The following CREB5 variants were observed in gnomAD, a reference collection of about 807,000 sequenced individuals.
The protein encoded by CREB5 is cAMP responsive element binding protein 5.
Under a neutral mutation model 57.1 loss-of-function variants are expected in CREB5, and 19 were observed. The observed-to-expected ratio is 0.33, with a 90% CI of 0.23 to 0.49. The LOEUF (loss-of-function observed/expected upper bound fraction) is 0.49, where lower values mean the gene tolerates loss of function less well. Ranked by LOEUF, CREB5 falls within the 20% of genes least tolerant of loss-of-function variation. The probability of loss-of-function intolerance (pLI) is 0.99; values close to 1 mark genes in which losing one functional copy is unlikely to be tolerated. For missense variants in CREB5, 579 were observed against 671.6 expected (o/e 0.86, Z 1.52); for synonymous variants, 238 against 238.3 (o/e 1.00, Z 0.01).
chr7:28,718,944 G>A, intron 6 of CREB5, 65 bp downstream of exon 6: 1 of 1,605,660 alleles, frequency 6.2e-7, no homozygotes, highest in Non-Finnish European at 8.5e-7. Flanking sequence ...CTCTTGAAAG[G>A]GCAAAGGAAA....
rs13231234 is a variant in CREB5 at position 28,560,951 on chromosome 7, C to T, written c.292-9414C>T. On this transcript the variant is annotated intron_variant, in intron 4 of 10. Transcript: ENST00000357727. ...GTGCGTGTGTGCGTGCGTGTGTGTG[C>T]GTGTGTGTGCGTGTGTGTGTGCGTG... is the stretch of plus-strand genomic sequence containing the variant. 9.1e-3 allele frequency among the ~76,000 whole-genome samples: 353 copies of T among 38,932 alleles called. 25 individuals carry two copies. Among genetic ancestry groups the T allele is most frequent in the Non-Finnish European group, 0.015 (294 of 19,130 alleles). The allele number at this position is 38,932 out of a possible 152,430, so 25.5% of individuals were successfully genotyped here.
intron 1 of CREB5, chr7:28,435,774 T>A (rs1788935653): frequency 1.6e-6 from 1 of 637,866 alleles, no homozygotes; most frequent in African/African-American, 2.0e-5. Flanking sequence ...GAAGATGCTC[T>A]GGTATGAAAC....
At position 28,476,990 on chromosome 7, in the gene CREB5, G is replaced by A. The variant is rs1233714964; in HGVS notation, c.4-11185G>A. Among the ~76,000 whole-genome samples the A allele has an allele frequency of 5.3e-5, 8 of 152,328 alleles. 1 individual carries two copies. In the South Asian group the frequency reaches 1.7e-3, roughly 32 times the overall value. On this transcript the variant is annotated intron_variant, in intron 1 of 10. Coordinates refer to ENST00000357727, the MANE Select transcript of CREB5 (RefSeq NM_182898.4). ...CCTTCTGGAGAATCATTGCCCAGAGGGCAGGAACTGTTTGTGCCAAGCCTT... is the reference window on the plus strand; with the variant it reads ...CCTTCTGGAGAATCATTGCCCAGAGAGCAGGAACTGTTTGTGCCAAGCCTT...
chr7:28,514,252 C>A (rs1344131830), intron 4 of CREB5, among the ~76,000 whole-genome samples: 4 of 152,142 alleles, frequency 2.6e-5, no homozygotes, highest in Non-Finnish European at 5.9e-5. Flanking sequence ...CTGTCTTCAA[C>A]CAGTGTTAAC....
chr7:28,452,763 C>T (rs921442827), intron 1 of CREB5, among the ~76,000 whole-genome samples: 5 of 152,206 alleles, frequency 3.3e-5, no homozygotes, highest in East Asian at 1.9e-4. Flanking sequence ...GCCACTGCCT[C>T]TTACTGGGAG....
rs556680000 is a variant in CREB5 at position 28,821,335 on chromosome 7, A to C, written c.*2056A>C. On this transcript the variant is annotated 3_prime_UTR_variant, in exon 11 of 11. Coordinates refer to ENST00000357727, the MANE Select transcript of CREB5 (RefSeq NM_182898.4). ...ATATAACTAGTTTCAGTTTTATCTAATAACTTACTTTTTAAATCAATATTT... is the reference window on the plus strand; with the variant it reads ...ATATAACTAGTTTCAGTTTTATCTACTAACTTACTTTTTAAATCAATATTT... 1 of 152,196 alleles carries C rather than the reference A, an allele frequency of 6.6e-6. No individual in the cohort carries two copies. The highest frequency in any genetic ancestry group is 1.9e-4 in the East Asian group (1 of 5,184). 9.4% of individuals were successfully genotyped at this position (152,196 alleles called of 1,614,324 possible).
rs74416059 is a variant in CREB5, at chr7:28,425,397, G to A, written c.3+12480G>A. Among the ~76,000 whole-genome samples the A allele has an allele frequency of 3.2e-4, 48 of 151,592 alleles. No individual in the cohort carries two copies. The East Asian group carries it at 7.4e-3, about 23-fold the overall frequency. ...GGAAATGTCCAGAATAGGCAAATCCGTAGAGACAGAAGGTAGATTCATGAT... is the reference window on the plus strand; with the variant it reads ...GGAAATGTCCAGAATAGGCAAATCCATAGAGACAGAAGGTAGATTCATGAT... On this transcript the variant is annotated intron_variant, in intron 1 of 10. Coordinates refer to ENST00000357727, the MANE Select transcript of CREB5 (RefSeq NM_182898.4).
chr7:28,570,430 C>T lies in CREB5; in HGVS notation c.357C>T (p.Ser119=), dbSNP rs557766445. 33 of 1,614,062 alleles carry T rather than the reference C, an allele frequency of 2.0e-5. No homozygotes were observed. The highest frequency in any genetic ancestry group is 2.7e-5 in the Non-Finnish European group (32 of 1,180,020). ...GGCCCGGAACTCACCAGCTTAGCAG[C>T]GCTCGGCTGCCCAACCATGACACCA... ...MTGPGTHQLS[S]ARLPNHDTNV... The change falls in exon 5 of 11, where the codon AGC becomes AGT. Residue 119 remains serine, a synonymous_variant. Coordinates refer to ENST00000357727, the MANE Select transcript of CREB5 (RefSeq NM_182898.4).
rs1795226580 is a variant in CREB5, at chr7:28,560,979, T to TGCGTGC, written c.292-9384_292-9379dup. ...GTGTGTGCGTGTGTGTGTGCGTGTGTGCGTGCGTGTGTGTGCCTGCGTGTG... is the reference window on the plus strand; with the variant it reads ...GTGTGTGCGTGTGTGTGTGCGTGTGTGCGTGCGCGTGCGTGTGTGTGCCTGCGTGTG... On this transcript the variant is annotated intron_variant, in intron 4 of 10. Coordinates refer to ENST00000357727, the MANE Select transcript of CREB5 (RefSeq NM_182898.4). Among the ~76,000 whole-genome samples the TGCGTGC allele has an allele frequency of 7.9e-4, 47 of 59,864 alleles. 10 individuals are homozygous for TGCGTGC. The highest frequency in any genetic ancestry group is 1.6e-3 in the South Asian group (2 of 1,264). The allele number at this position is 59,864 out of a possible 152,430, so 39.3% of individuals were successfully genotyped here. A position where few individuals can be genotyped will look rare whatever the true frequency, so the allele number is the denominator to read the frequency against.
At position 28,755,122 on chromosome 7, in the gene CREB5, G is replaced by T. The variant is rs114160601; in HGVS notation, c.702+30790G>T. Among the ~76,000 whole-genome samples the T allele has an allele frequency of 5.0e-3, 762 of 152,250 alleles. 12 individuals carry two copies. Among genetic ancestry groups the T allele is most frequent in the African/African-American group, 0.018 (732 of 41,552 alleles). On this transcript the variant is annotated intron_variant, in intron 7 of 10. Coordinates refer to ENST00000357727, the MANE Select transcript of CREB5 (RefSeq NM_182898.4). ...ATTGGTTAGGATAGGCATTATGGGG[G>T]TTACATGGTCCCTCTGTAAGTTTAT...
chr7:28,354,472 C>T (rs1046447192), intron 1 of CREB5, among the ~76,000 whole-genome samples: 17 of 152,170 alleles, frequency 1.1e-4, no homozygotes, highest in Non-Finnish European at 1.5e-5. Flanking sequence ...CAAACTGGCT[C>T]TCCTTGCTCC....
chr7:28,692,127 A>T (rs1409764254), intron 5 of CREB5, among the ~76,000 whole-genome samples: 9 of 151,148 alleles, frequency 6.0e-5, no homozygotes, highest in Non-Finnish European at 1.3e-4. Context: ...CAGAGGTTGC[A>T]GTGAGCCAAG....
At chr7:28,431,225 T>C (rs1056590922) in intron 1 of CREB5, among the ~76,000 whole-genome samples, 3 of 152,216 alleles carry the variant, frequency 2.0e-5, no homozygotes, top group Admixed American at 6.5e-5. Flanking sequence ...GTTTAGCCAG[T>C]ACCTATGGCA....
At chr7:28,615,930 A>C (rs1797580501) in intron 5 of CREB5, 1 of 152,240 alleles carries the variant, frequency 6.6e-6, no homozygotes. Context: ...TCAGAGAATC[A>C]AGACTGTAAT....
chr7:28,466,878 A>T (rs1790599065), intron 1 of CREB5, among the ~76,000 whole-genome samples: 1 of 152,238 alleles, frequency 6.6e-6, no homozygotes, highest in East Asian at 1.9e-4. Context: ...GTCATAGACC[A>T]CTGTGAGTTA....
At chr7:28,459,581 A>C (rs1046611437) in intron 1 of CREB5, among the ~76,000 whole-genome samples, 8 of 152,004 alleles carry the variant, frequency 5.3e-5, no homozygotes, top group Non-Finnish European at 1.2e-4. Context: ...CTCTCCCTCT[A>C]CTTCCCTCCT....
intron 1 of CREB5, among the ~76,000 whole-genome samples, chr7:28,318,896 A>AT (rs1242380424): frequency 1.3e-5 from 2 of 152,194 alleles, no homozygotes; most frequent in Non-Finnish European, 1.5e-5. Context: ...GGGAAGAAAA[A>AT]CAAAAAGTAC....
chr7:28,391,802 T>C (rs1787221479), intron 1 of CREB5, among the ~76,000 whole-genome samples: 1 of 152,246 alleles, frequency 6.6e-6, no homozygotes, highest in Non-Finnish European at 1.5e-5. Context: ...TGTTCCTTGC[T>C]CTTTACCTTC....
chr7:28,692,812 T>G (rs1267443877), intron 5 of CREB5, among the ~76,000 whole-genome samples: 1 of 152,190 alleles, frequency 6.6e-6, no homozygotes, highest in Non-Finnish European at 1.5e-5. Flanking sequence ...GGCATGCATT[T>G]CATGAGTTTG....
Sources: gnomAD v4.1 joint callset for allele counts (sites outside exome capture counted in the v4.1 genomes callset) on GRCh38, gnomAD v4.1.1 for gene constraint, MANE v1.5 for transcripts, NCBI Gene and HGNC (gene_info 2026-07-23, HGNC 2026-07-21) for gene names.